Variants in SOS2 observed in about 807,000 individuals in gnomAD.
SOS2 encodes son of sevenless homolog 2.
A neutral mutation model predicts 148.2 loss-of-function variants in SOS2; 65 were observed. That is an observed-to-expected ratio of 0.44 (90% confidence interval 0.36 to 0.54). The LOEUF (loss-of-function observed/expected upper bound fraction) is 0.54. SOS2 is among the 20% of genes least tolerant of loss of function. The pLI, the probability that SOS2 is intolerant of heterozygous loss-of-function variation, is 0.00. For missense variants in SOS2, 1,341 were observed against 1,590.2 expected, an observed-to-expected ratio of 0.84 and a Z score of 2.67; for synonymous variants, 539 against 537.1, an observed-to-expected ratio of 1.00 and a Z score of -0.05.
At chr14:50,156,959 ATGTG>A in intron 12 of SOS2, 36 bp downstream of exon 12, 7 of 1,043,216 alleles carry the variant, frequency 6.7e-6, no homozygotes, top group Non-Finnish European at 7.0e-6. Context: ...GTGTATATAT[ATGTG>A]TATATATATA....
At chr14:50,145,687 C>T (rs1884444526) in intron 14 of SOS2, 91 bp from the exon 15 acceptor site, 2 of 779,812 alleles carry the variant, frequency 2.6e-6, no homozygotes, top group Admixed American at 5.4e-5. Flanking sequence ...AGACAATTAA[C>T]CCAAAAGACA....
At chr14:50,212,022 A>G (rs1886888111) in intron 1 of SOS2, among the ~76,000 whole-genome samples, 1 of 152,230 alleles carries the variant, frequency 6.6e-6, no homozygotes, top group African/African-American at 2.4e-5. Flanking sequence ...GCACCCTGAA[A>G]AAATGTTGGC....
intron 1 of SOS2, among the ~76,000 whole-genome samples, chr14:50,207,996 T>C (rs1257443223): frequency 1.3e-5 from 2 of 152,018 alleles, no homozygotes; most frequent in Non-Finnish European, 2.9e-5. Context: ...CATTCATTCA[T>C]GATAAAATCT....
chr14:50,189,577 G>A (rs1486266396), intron 4 of SOS2, among the ~76,000 whole-genome samples: 2 of 152,076 alleles, frequency 1.3e-5, no homozygotes, highest in Non-Finnish European at 2.9e-5. Flanking sequence ...AAGGATGACA[G>A]TACATATTTG....
chr14:50,201,262 G>A (rs1299761298), intron 2 of SOS2, among the ~76,000 whole-genome samples, 178 bp from the exon 3 acceptor site: 2 of 152,026 alleles, frequency 1.3e-5, no homozygotes, highest in Admixed American at 6.6e-5. Context: ...GCTGGGCGCG[G>A]TGGCTCACGT....
In SOS2 at chr14:50,117,429, G is replaced by T. The variant is rs572093651; in HGVS notation, c.*915C>A. The T allele has an allele frequency of 1.1e-3, 171 of 152,284 alleles. 1 individual carries two copies. Among genetic ancestry groups the T allele is most frequent in the African/African-American group, 3.9e-3 (163 of 41,556 alleles). The allele number at this position is 152,284 out of a possible 1,614,324, so 9.4% of individuals were successfully genotyped here. A position where few individuals can be genotyped will look rare whatever the true frequency, so the allele number is the denominator to read the frequency against. ...AATTTCAGTTAACACGAGATTTATA[G>T]AGAAAGTTACTAGGTCTTGAAGGCA... is the stretch of plus-strand genomic sequence containing the variant. On this transcript the variant is annotated 3_prime_UTR_variant, in exon 23 of 23. Transcript: ENST00000216373.
At chr14:50,139,503 T>C (rs1188610150) in intron 17 of SOS2, among the ~76,000 whole-genome samples, 3 of 152,208 alleles carry the variant, frequency 2.0e-5, no homozygotes, top group African/African-American at 4.8e-5. Flanking sequence ...AAGAATTATT[T>C]GGCCCAAAAT....
chr14:50,127,071 T>G (rs781337916), intron 21 of SOS2, among the ~76,000 whole-genome samples: 2 of 152,064 alleles, frequency 1.3e-5, no homozygotes, highest in Non-Finnish European at 2.9e-5. Flanking sequence ...TCCCATGAAT[T>G]TTGGTAAGGC....
intron 6 of SOS2, among the ~76,000 whole-genome samples, chr14:50,181,686 T>C (rs887448957): frequency 6.6e-6 from 1 of 152,100 alleles, no homozygotes; most frequent in Non-Finnish European, 1.5e-5. Flanking sequence ...AGTTATAAAA[T>C]AGTGGGATCC....
At chr14:50,210,999 T>C (rs1249059723) in intron 1 of SOS2, among the ~76,000 whole-genome samples, 2 of 151,418 alleles carry the variant, frequency 1.3e-5, no homozygotes, top group Non-Finnish European at 2.9e-5. Context: ...GTTCAAGATA[T>C]GTATAGTCTA....
intron 1 of SOS2, among the ~76,000 whole-genome samples, chr14:50,212,722 G>A (rs1045088938): frequency 1.3e-5 from 2 of 152,172 alleles, no homozygotes; most frequent in Non-Finnish European, 2.9e-5. Flanking sequence ...AATAAAATAA[G>A]TCTAAAGGGC....
intron 20 of SOS2, among the ~76,000 whole-genome samples, chr14:50,130,279 C>G (rs1442748002): frequency 1.3e-5 from 2 of 152,082 alleles, no homozygotes; most frequent in Admixed American, 1.3e-4. Context: ...CCAAAAGGTA[C>G]TAAACAAATC....
chr14:50,218,856 T>C (rs1293127826), intron 1 of SOS2, among the ~76,000 whole-genome samples: 1 of 152,168 alleles, frequency 6.6e-6, no homozygotes. Context: ...GGCTCATGGC[T>C]ATAATCCCAG....
chr14:50,143,461 C>T (rs1293393574), intron 16 of SOS2, among the ~76,000 whole-genome samples: 1 of 151,726 alleles, frequency 6.6e-6, no homozygotes, highest in Non-Finnish European at 1.5e-5. Flanking sequence ...ATTTTGAGAA[C>T]AAGTTTCACT....
intron 18 of SOS2, among the ~76,000 whole-genome samples, chr14:50,135,375 C>T (rs1041764890): frequency 2.0e-5 from 3 of 150,622 alleles, no homozygotes; most frequent in African/African-American, 4.9e-5. Context: ...TAAGTTTTAA[C>T]GTAGAAAATT....
intron 1 of SOS2, among the ~76,000 whole-genome samples, chr14:50,227,693 G>T (rs977369475): frequency 1.3e-5 from 2 of 152,162 alleles, no homozygotes. Context: ...TCCCAAATGG[G>T]ATTACAGGCA....
At chr14:50,180,942 A>G (rs1885714877) in intron 6 of SOS2, among the ~76,000 whole-genome samples, 2 of 152,146 alleles carry the variant, frequency 1.3e-5, no homozygotes, top group Admixed American at 1.3e-4. Context: ...TGCAGAACCG[A>G]TATGAAAACA....
At position 50,193,007 on chromosome 14, in the gene SOS2, G is replaced by GT. The variant is rs201768638; in HGVS notation, c.511-4308dup. 3.3e-5 allele frequency among the ~76,000 whole-genome samples: 5 copies of GT among 151,408 alleles called. No homozygotes were observed. In the East Asian group the frequency reaches 7.8e-4, roughly 23 times the overall value. Reference sequence around the variant, plus strand: ...CTCTTATTCTCTCACCTTTTTTTTGGTTTTTTTTGTCCACTGTTGCCCAAT... The same window carrying GT: ...CTCTTATTCTCTCACCTTTTTTTTGGTTTTTTTTTGTCCACTGTTGCCCAAT... On this transcript the variant is annotated intron_variant, in intron 4 of 22. Transcript: ENST00000216373.
rs138227076 is a variant in SOS2, at chr14:50,198,468, T to C, written c.510+1223A>G. On this transcript the variant is annotated intron_variant, in intron 4 of 22. Coordinates refer to ENST00000216373, the MANE Select transcript of SOS2 (RefSeq NM_006939.4). ...AAATTATGGCATCGTACAATCGGTCTCAGTCATTATAACTGCACATCAGAA... is the reference window on the plus strand; with the variant it reads ...AAATTATGGCATCGTACAATCGGTCCCAGTCATTATAACTGCACATCAGAA... Among the ~76,000 whole-genome samples, 4 of 152,348 alleles carry C rather than the reference T, an allele frequency of 2.6e-5. No individual in the cohort carries two copies. The East Asian group carries it at 7.7e-4, about 29-fold the overall frequency.
Sources: gnomAD v4.1 joint callset for allele counts (sites outside exome capture counted in the v4.1 genomes callset) on GRCh38, gnomAD v4.1.1 for gene constraint, MANE v1.5 for transcripts, NCBI Gene and HGNC (gene_info 2026-07-23, HGNC 2026-07-21) for gene names.